LHFPL6: variants seen among roughly 807,000 people sequenced by gnomAD.
LHFPL6 encodes the protein LHFPL tetraspan subfamily member 6.
A neutral mutation model predicts 20.6 loss-of-function variants in LHFPL6; 9 were observed. That is an observed-to-expected ratio of 0.44 (90% CI 0.26 to 0.76). The LOEUF is 0.76. Among genes scored for constraint, LHFPL6 ranks in the 30% least tolerant of loss-of-function variants. The pLI is 0.20. For missense variants in LHFPL6, 218 were observed against 253.5 expected, an observed-to-expected ratio of 0.86 and a Z score of 0.95; for synonymous variants, 105 against 98.7, an observed-to-expected ratio of 1.06 and a Z score of -0.38.
intron 2 of LHFPL6, among the ~76,000 whole-genome samples, chr13:39,419,982 G>A (rs950128606): frequency 6.6e-6 from 1 of 152,054 alleles, no homozygotes; most frequent in East Asian, 1.9e-4. Flanking sequence ...AGCACAAAGC[G>A]CTTTTATAGA....
At chr13:39,426,091 A>C (rs1324824300) in intron 2 of LHFPL6, among the ~76,000 whole-genome samples, 1 of 152,222 alleles carries the variant, frequency 6.6e-6, no homozygotes, top group African/African-American at 2.4e-5. Context: ...TTACGTGACC[A>C]TTACCACTAT....
chr13:39,490,879 G>A (rs1287506712), intron 2 of LHFPL6, among the ~76,000 whole-genome samples: 1 of 152,036 alleles, frequency 6.6e-6, no homozygotes, highest in African/African-American at 2.4e-5. Flanking sequence ...CTATAGAAAC[G>A]AGCAGTATTA....
intron 2 of LHFPL6, among the ~76,000 whole-genome samples, chr13:39,448,995 C>T (rs1872368553): frequency 6.6e-6 from 1 of 152,204 alleles, no homozygotes; most frequent in East Asian, 1.9e-4. Flanking sequence ...TGCTGTCAGA[C>T]CTTCTAAAAC....
At chr13:39,436,588 T>C (rs1593312422) in intron 2 of LHFPL6, among the ~76,000 whole-genome samples, 1 of 152,322 alleles carries the variant, frequency 6.6e-6, no homozygotes, top group East Asian at 1.9e-4. Context: ...GTTTTTAACC[T>C]TCTAGTTCCT....
chr13:39,602,176 G>A (rs1872972871), intron 1 of LHFPL6, among the ~76,000 whole-genome samples: 3 of 152,066 alleles, frequency 2.0e-5, no homozygotes, highest in Non-Finnish European at 2.9e-5. Context: ...GGTTCCAGGG[G>A]CATCTACTTC....
intron 2 of LHFPL6, among the ~76,000 whole-genome samples, chr13:39,401,051 T>G (rs1164141678): frequency 6.6e-6 from 1 of 152,110 alleles, no homozygotes; most frequent in East Asian, 1.9e-4. Flanking sequence ...AACTATTCCT[T>G]TATAGAGCTT....
At chr13:39,581,672 A>G (rs904541165) in intron 2 of LHFPL6, among the ~76,000 whole-genome samples, 1 of 151,262 alleles carries the variant, frequency 6.6e-6, no homozygotes, top group Non-Finnish European at 1.5e-5. Flanking sequence ...AATGAACATC[A>G]TAATTGTTTT....
intron 2 of LHFPL6, among the ~76,000 whole-genome samples, chr13:39,517,417 G>T (rs1429446177): frequency 6.6e-6 from 1 of 152,116 alleles, no homozygotes; most frequent in Non-Finnish European, 1.5e-5. Flanking sequence ...TTACAAATAG[G>T]TACAGGATCC....
In LHFPL6 at chr13:39,499,537, G is replaced by A. The variant is rs899802848; in HGVS notation, c.385+101295C>T. Among the ~76,000 whole-genome samples the A allele has an allele frequency of 1.7e-4, 25 of 150,726 alleles. 1 individual carries two copies. Among genetic ancestry groups the A allele is most frequent in the Non-Finnish European group, 2.4e-4 (16 of 67,556 alleles). ...CAGCCCATGCCCACTCTCAGTCCAC[G>A]AGGTCCAGGTGTAGATGGCCCTATA... is the stretch of plus-strand genomic sequence containing the variant. On this transcript the variant is annotated intron_variant, in intron 2 of 3. Transcript: ENST00000379589.
At chr13:39,490,679 T>A (rs969037515) in intron 2 of LHFPL6, among the ~76,000 whole-genome samples, 2 of 152,210 alleles carry the variant, frequency 1.3e-5, no homozygotes, top group African/African-American at 4.8e-5. Flanking sequence ...AACACCACAA[T>A]TAGAACAATA....
chr13:39,493,542 C>T (rs1869001246), intron 2 of LHFPL6, among the ~76,000 whole-genome samples: 4 of 152,118 alleles, frequency 2.6e-5, no homozygotes, highest in Admixed American at 2.0e-4. Context: ...AACCAACTTA[C>T]ACAGATAGGA....
intron 2 of LHFPL6, among the ~76,000 whole-genome samples, chr13:39,510,966 A>C (rs942457923): frequency 1.2e-4 from 18 of 151,720 alleles, no homozygotes; most frequent in African/African-American, 4.1e-4. Flanking sequence ...TCCGCCTCCC[A>C]GGTTCAAGCG....
intron 2 of LHFPL6, among the ~76,000 whole-genome samples, chr13:39,539,315 A>T (rs552360421): frequency 3.4e-3 from 484 of 140,908 alleles, no homozygotes; most frequent in African/African-American, 0.011. Flanking sequence ...ATTTTATTTT[A>T]AAAAAAAAAA....
chr13:39,405,325 G>A (rs1871092324), intron 2 of LHFPL6, among the ~76,000 whole-genome samples: 1 of 152,144 alleles, frequency 6.6e-6, no homozygotes, highest in Non-Finnish European at 1.5e-5. Context: ...GCAGCCTTTT[G>A]TTTATCTGAG....
In LHFPL6 at chr13:39,391,282, C is replaced by A. The variant is rs142987806; in HGVS notation, c.386-12756G>T. 6.6e-5 allele frequency among the ~76,000 whole-genome samples: 10 copies of A among 152,246 alleles called. No homozygotes were observed. The East Asian group carries it at 1.9e-3, about 29-fold the overall frequency. ...TTTGATACCACAGCAAACCAAACACCCTGTGAATTTCACAAACACTACTGC... is the reference window on the plus strand; with the variant it reads ...TTTGATACCACAGCAAACCAAACACACTGTGAATTTCACAAACACTACTGC... On this transcript the variant is annotated intron_variant, in intron 2 of 3. Transcript: ENST00000379589.
At chr13:39,431,051 A>G (rs35614656) in intron 2 of LHFPL6, among the ~76,000 whole-genome samples, 26,615 of 152,054 alleles carry the variant, frequency 0.18, 2,679 homozygotes, top group African/African-American at 0.28. Flanking sequence ...GAGAGACCAC[A>G]AACCCACTGG....
At chr13:39,510,012 G>A (rs1869633465) in intron 2 of LHFPL6, among the ~76,000 whole-genome samples, 1 of 152,174 alleles carries the variant, frequency 6.6e-6, no homozygotes, top group South Asian at 2.1e-4. Flanking sequence ...CAGATTACAA[G>A]AAATAAAATA....
chr13:39,543,199 T>C (rs1870867129), intron 2 of LHFPL6, among the ~76,000 whole-genome samples: 1 of 152,226 alleles, frequency 6.6e-6, no homozygotes, highest in East Asian at 1.9e-4. Context: ...TTATTTCTTT[T>C]TAAGGCTGAA....
At chr13:39,366,706 A>G (rs1927203) in intron 3 of LHFPL6, among the ~76,000 whole-genome samples, 148,557 of 152,312 alleles carry the variant, frequency 0.98, 72,539 homozygotes, top group South Asian at 1. Context: ...AGCAGGCAGC[A>G]TGAGCTCCAT....
Sources: allele counts gnomAD v4.1 joint callset (sites outside exome capture counted in the v4.1 genomes callset), GRCh38; gene constraint gnomAD v4.1.1; transcripts MANE v1.5; gene names NCBI Gene and HGNC (gene_info 2026-07-23, HGNC 2026-07-21).